The following CYP19A1 variants were observed in gnomAD, a reference collection of about 807,000 sequenced individuals.
CYP19A1 encodes the protein aromatase.
A neutral mutation model predicts 44.4 loss-of-function variants in CYP19A1; 32 were observed. The observed-to-expected ratio is 0.72, with a 90% CI of 0.54 to 0.97. The LOEUF is 0.97. CYP19A1 is among the 50% of genes least tolerant of loss of function. The probability of loss-of-function intolerance (pLI) is 0.00; values close to 1 mark genes in which losing one functional copy is unlikely to be tolerated. For synonymous variants in CYP19A1, 212 were observed against 215.6 expected (o/e 0.98, Z 0.14); for missense variants, 598 against 637.8 (o/e 0.94, Z 0.67).
intron 1 of CYP19A1, among the ~76,000 whole-genome samples, chr15:51,322,640 G>A (rs796417821): frequency 1.9e-4 from 29 of 152,230 alleles, no homozygotes; most frequent in African/African-American, 7.0e-4. Flanking sequence ...ATAATCTGAT[G>A]CTTGACAAAA....
At chr15:51,282,586 C>A (rs1037026148) in intron 1 of CYP19A1, among the ~76,000 whole-genome samples, 3 of 152,228 alleles carry the variant, frequency 2.0e-5, no homozygotes, top group Non-Finnish European at 2.9e-5. Flanking sequence ...CTTGCGTTGG[C>A]CACCTGGACC....
chr15:51,299,582 C>T (rs1457270032), intron 1 of CYP19A1, among the ~76,000 whole-genome samples: 1 of 152,214 alleles, frequency 6.6e-6, no homozygotes, highest in Non-Finnish European at 1.5e-5. Context: ...TGTTTGCAGA[C>T]CTAACTGTGC....
At position 51,294,843 on chromosome 15, in the gene CYP19A1, G is replaced by C. The variant is rs532225062; in HGVS notation, c.-39+43652C>G. ...GTGTACCCAACAGCTCATTGAGAAC[G>C]GGCCATGATGACAATGGCGGTTTTG... On this transcript the variant is annotated intron_variant, in intron 1 of 9. Coordinates refer to ENST00000396402, the MANE Select transcript of CYP19A1 (RefSeq NM_000103.4). 3.4e-4 allele frequency among the ~76,000 whole-genome samples: 51 copies of C among 152,002 alleles called. 1 individual carries two copies. Among genetic ancestry groups the C allele is most frequent in the Non-Finnish European group, 5.3e-4 (36 of 67,994 alleles).
rs76415311 is a variant in CYP19A1 at position 51,319,851 on chromosome 15, AG to A, written c.-39+18643del. Among the ~76,000 whole-genome samples the A allele has an allele frequency of 0.016, 2,401 of 152,284 alleles. 186 individuals are homozygous for A. The East Asian group carries it at 0.25, about 16-fold the overall frequency. On this transcript the variant is annotated intron_variant, in intron 1 of 9. Coordinates refer to ENST00000396402, the MANE Select transcript of CYP19A1 (RefSeq NM_000103.4). Reference sequence around the variant, plus strand: ...CCTTAATAGTCAGGTGATCTCTATCAGGTCATTTGTATTCTCTGAACCTCAG... The same window carrying A: ...CCTTAATAGTCAGGTGATCTCTATCAGTCATTTGTATTCTCTGAACCTCAG...
At chr15:51,268,091 C>A (rs7342683) in intron 1 of CYP19A1, among the ~76,000 whole-genome samples, 1 of 152,160 alleles carries the variant, frequency 6.6e-6, no homozygotes, top group African/African-American at 2.4e-5. Flanking sequence ...CCCACCCTCC[C>A]CCATCCCATT....
intron 1 of CYP19A1, among the ~76,000 whole-genome samples, chr15:51,324,447 G>A (rs16964265): frequency 0.013 from 1,965 of 152,294 alleles, 46 homozygotes; most frequent in African/African-American, 0.046. Flanking sequence ...ATTGTAAAGA[G>A]AGGGGCCATC....
intron 1 of CYP19A1, among the ~76,000 whole-genome samples, chr15:51,257,218 G>A (rs1384074764): frequency 6.6e-6 from 1 of 152,202 alleles, no homozygotes; most frequent in Non-Finnish European, 1.5e-5. Flanking sequence ...TCAGACCCAT[G>A]AAGTAGATTC....
intron 1 of CYP19A1, among the ~76,000 whole-genome samples, chr15:51,295,305 T>C (rs902947900): frequency 2.0e-5 from 3 of 152,142 alleles, no homozygotes; most frequent in African/African-American, 7.2e-5. Context: ...GCCAAGGCAA[T>C]GCACAGGAGC....
intron 1 of CYP19A1, among the ~76,000 whole-genome samples, chr15:51,267,076 G>A (rs543909592): frequency 1.0e-3 from 154 of 152,288 alleles, no homozygotes; most frequent in African/African-American, 3.7e-3. Flanking sequence ...TCCCTGCTCT[G>A]GAGAGCAAAG....
chr15:51,223,258 G>GGAATGAATGAATGAATGAAT (rs3842333), intron 4 of CYP19A1, among the ~76,000 whole-genome samples: 8 of 150,986 alleles, frequency 5.3e-5, no homozygotes, highest in African/African-American at 2.0e-4. Context: ...TTTCAATAGA[G>GGAATGAATGAATGAATGAAT]GAATGAATGA....
At chr15:51,211,864 C>T (rs28757200) in intron 9 of CYP19A1, among the ~76,000 whole-genome samples, 65,339 of 151,994 alleles carry the variant, frequency 0.43, 15,099 homozygotes, top group Non-Finnish European at 0.53. Context: ...GCTCATGGGG[C>T]CATTTGATGA....
intron 1 of CYP19A1, among the ~76,000 whole-genome samples, chr15:51,326,100 C>A (rs951160479): frequency 6.6e-6 from 1 of 152,140 alleles, no homozygotes; most frequent in African/African-American, 2.4e-5. Context: ...CATTATAAAA[C>A]TGAAAAATCA....
At position 51,286,559 on chromosome 15, in the gene CYP19A1, T is replaced by G. The variant is rs115938042; in HGVS notation, c.-38-43609A>C. On this transcript the variant is annotated intron_variant, in intron 1 of 9. Transcript: ENST00000396402. ...ATTTCAAAGCCAAGTGTGCCCTGAC[T>G]ACCAAGCATGTCCAAAGCCCATGGT... is the stretch of plus-strand genomic sequence containing the variant. Among the ~76,000 whole-genome samples, 833 of 152,252 alleles carry G rather than the reference T, an allele frequency of 5.5e-3. 11 individuals are homozygous for G. Among genetic ancestry groups the G allele is most frequent in the African/African-American group, 0.019 (802 of 41,550 alleles).
At chr15:51,330,984 G>T (rs1310405659) in intron 1 of CYP19A1, among the ~76,000 whole-genome samples, 1 of 152,116 alleles carries the variant, frequency 6.6e-6, no homozygotes, top group African/African-American at 2.4e-5. Flanking sequence ...GGATGAGGAA[G>T]CGCAGATGAG....
At chr15:51,314,631 T>C (rs1376287477) in intron 1 of CYP19A1, among the ~76,000 whole-genome samples, 2 of 152,204 alleles carry the variant, frequency 1.3e-5, no homozygotes, top group Non-Finnish European at 2.9e-5. Flanking sequence ...CTAACTTGCA[T>C]CATTGTTTAG....
In CYP19A1 at chr15:51,210,671, C is replaced by T. The variant is rs1470356342; in HGVS notation, c.*137G>A. On this transcript the variant is annotated 3_prime_UTR_variant, in exon 10 of 10. Coordinates refer to ENST00000396402, the MANE Select transcript of CYP19A1 (RefSeq NM_000103.4). The stretch of plus-strand genomic sequence containing the variant: ...CAAATAGCACCTAGCTTGGTGACAA[C>T]CCATAGGAGGTATGCCTATAAAATG... 1.3e-6 allele frequency: 1 copy of T among 772,174 alleles called. No individual in the cohort carries two copies. The highest frequency in any genetic ancestry group is 2.4e-6 in the Non-Finnish European group (1 of 420,430). 47.8% of individuals were successfully genotyped at this position (772,174 alleles called of 1,614,324 possible). A position where few individuals can be genotyped will look rare whatever the true frequency, so the allele number is the denominator to read the frequency against.
At chr15:51,216,606 C>T (rs1380983258) in intron 6 of CYP19A1, among the ~76,000 whole-genome samples, 1 of 152,170 alleles carries the variant, frequency 6.6e-6, no homozygotes, top group Non-Finnish European at 1.5e-5. Flanking sequence ...TTTGAGATTC[C>T]TGTTCTAAAC....
At chr15:51,322,295 G>A (rs2036541457) in intron 1 of CYP19A1, among the ~76,000 whole-genome samples, 2 of 152,248 alleles carry the variant, frequency 1.3e-5, no homozygotes, top group African/African-American at 4.8e-5. Context: ...CAAGAGCTGA[G>A]CAGAGAACAA....
At chr15:51,212,607 ATCTGT>A in intron 8 of CYP19A1, 46 bp from the exon 9 acceptor site, 1 of 1,277,488 alleles carries the variant, frequency 7.8e-7, no homozygotes, top group Non-Finnish European at 1.1e-6. Flanking sequence ...GTTAGTTTCC[ATCTGT>A]GATTGGTATT....
Sources: gnomAD v4.1 joint callset for allele counts (sites outside exome capture counted in the v4.1 genomes callset) on GRCh38, gnomAD v4.1.1 for gene constraint, MANE v1.5 for transcripts, NCBI Gene and HGNC (gene_info 2026-07-23, HGNC 2026-07-21) for gene names.